The following DOCK6 variants were observed in gnomAD, a reference collection of about 807,000 sequenced individuals.
DOCK6 encodes dedicator of cytokinesis protein 6.
A neutral mutation model predicts 230.3 loss-of-function variants in DOCK6; 167 were observed. The ratio of observed to expected loss-of-function variants is 0.73; its 90% CI spans 0.64 to 0.82. The LOEUF is 0.82. Ranked by LOEUF, DOCK6 falls within the 40% of genes least tolerant of loss-of-function variation. DOCK6 has a pLI of 0.00. For synonymous variants in DOCK6, 1,148 were observed against 1,185.0 expected (o/e 0.97, Z 0.64); for missense variants, 2,598 against 2,825.8 (o/e 0.92, Z 1.83).
At chr19:11,241,962 G>A in intron 14 of DOCK6, 83 bp downstream of exon 14, 1 of 1,477,994 alleles carries the variant, frequency 6.8e-7, no homozygotes, top group Middle Eastern at 2.4e-4. Context: ...GTCTGTGTGT[G>A]TCCTTGGCTT....
chr19:11,209,080 G>A lies in DOCK6; in HGVS notation c.4775C>T (p.Ser1592Leu). The change falls in exon 38 of 48, where the codon TCA becomes TTA. Residue 1592 changes from serine to leucine, a missense_variant. Transcript: ENST00000294618. ...CAACCAGGTCAGCCGAAGGTCCGGT[G>A]AGCCCTGGTAGCCCCGGGCAATTCT... The part of the protein sequence containing the change: ...MYRIARGYQG[S>L]PDLRLTWLQN... 2 of 1,612,170 alleles carry A rather than the reference G, an allele frequency of 1.2e-6. No individual in the cohort carries two copies. The highest frequency in any genetic ancestry group is 1.7e-6 in the Non-Finnish European group (2 of 1,179,420).
intron 13 of DOCK6, among the ~76,000 whole-genome samples, chr19:11,242,694 C>T (rs2079966193): frequency 6.6e-6 from 1 of 151,840 alleles, no homozygotes; most frequent in East Asian, 1.9e-4. Context: ...ACCTGGCCCC[C>T]AGGCTGGTCT....
chr19:11,233,287 G>A lies in DOCK6; in HGVS notation c.2634C>T (p.Ser878=), dbSNP rs2079796825. The change falls in exon 22 of 48, where the codon TCC becomes TCT. Residue 878 remains serine (S), a synonymous_variant. Transcript: ENST00000294618. ...CAGGGTTGCTGCTGCTGATGCTCTT[G>A]GAACGCGCCAGGTAGAGGCTTGCGG... ...GRPASLYLAR[S]KSISSSNPDL... The A allele has an allele frequency of 3.1e-6, 5 of 1,613,832 alleles. No homozygotes were observed. Among genetic ancestry groups the A allele is most frequent in the Non-Finnish European group, 4.2e-6 (5 of 1,179,874 alleles).
chr19:11,235,903 T>C (rs1732317934), intron 20 of DOCK6, 144 bp from the exon 21 acceptor site: 3 of 1,048,516 alleles, frequency 2.9e-6, no homozygotes, highest in South Asian at 4.0e-5. Context: ...TTTTTTGAGA[T>C]GGAGTCTTGC....
intron 14 of DOCK6, chr19:11,239,823 G>A: frequency 3.1e-6 from 5 of 1,604,734 alleles, no homozygotes; most frequent in Middle Eastern, 3.3e-4. Flanking sequence ...GGCTGACAAA[G>A]GCCAGGAACA....
chr19:11,223,936 C>T (rs756606768), intron 24 of DOCK6, among the ~76,000 whole-genome samples: 3 of 152,078 alleles, frequency 2.0e-5, no homozygotes, highest in Middle Eastern at 6.8e-3. Context: ...CGTGAGATAC[C>T]GCACCCGGCC....
chr19:11,252,656 G>T, intron 3 of DOCK6, 106 bp from the exon 4 acceptor site: 2 of 1,594,508 alleles, frequency 1.3e-6, no homozygotes, highest in Middle Eastern at 1.7e-4. Context: ...AGGGGAGATG[G>T]AGGCTCAGAG....
At chr19:11,253,008 T>C in intron 2 of DOCK6, 50 bp from the exon 3 acceptor site, 1 of 1,540,406 alleles carries the variant, frequency 6.5e-7, no homozygotes. Context: ...AGGCTGAGAG[T>C]GGGGGCACGA....
intron 39 of DOCK6, among the ~76,000 whole-genome samples, chr19:11,207,701 G>A (rs907983212): frequency 1.5e-4 from 23 of 151,918 alleles, no homozygotes; most frequent in African/African-American, 5.6e-4. Flanking sequence ...TTTGAAGCGG[G>A]CAGATCACTT....
chr19:11,241,294 T>G, intron 14 of DOCK6: 3 of 606,532 alleles, frequency 4.9e-6, no homozygotes, highest in Non-Finnish European at 8.8e-6. Flanking sequence ...GTGAGTCCTA[T>G]TTTATCCCCA....
At chr19:11,255,089 T>G (rs1165101646) in intron 1 of DOCK6, among the ~76,000 whole-genome samples, 1 of 151,576 alleles carries the variant, frequency 6.6e-6, no homozygotes, top group Non-Finnish European at 1.5e-5. Context: ...CTGCAACACC[T>G]GCTTCCCGGG....
At chr19:11,248,241 C>T in intron 6 of DOCK6, 90 bp from the exon 7 acceptor site, 1 of 979,164 alleles carries the variant, frequency 1.0e-6, no homozygotes, top group Non-Finnish European at 1.5e-6. Flanking sequence ...ACCAGCTCTA[C>T]CCCAGCCTGA....
chr19:11,208,928 C>CCA lies in DOCK6; in HGVS notation c.4925_4926dup (p.Gly1643TrpfsTer14), dbSNP rs1393151782. 3 of 1,597,000 alleles carry CCA rather than the reference C, an allele frequency of 1.9e-6. No homozygotes were observed. In the African/African-American group the frequency reaches 4.0e-5, roughly 21 times the overall value. The stretch of plus-strand genomic sequence containing the variant: ...CCACTCACCTGGAAGGAAACGCAGC[C>CCA]CACGGGCAGGTGGCGGTGGTCCTCG... On this transcript the variant is annotated frameshift_variant, in exon 38 of 48. Coordinates refer to ENST00000294618, the MANE Select transcript of DOCK6 (RefSeq NM_020812.4). LOFTEE classifies it high-confidence loss of function.
At chr19:11,245,535 C>T in intron 9 of DOCK6, 28 bp downstream of exon 9, 1 of 1,545,256 alleles carries the variant, frequency 6.5e-7, no homozygotes, top group South Asian at 1.2e-5. Flanking sequence ...TCGCCATTAC[C>T]ACCCCCTTGC....
Position 11,228,975 on chromosome 19 carries a change from T to C in DOCK6, c.2779A>G (p.Ile927Val), listed in dbSNP as rs758620663. The part of the protein sequence containing the change: ...VVSSSAVREA[I>V]LQHAWFFFQL... The stretch of plus-strand genomic sequence containing the variant: ...AAGAAGAACCAGGCGTGCTGGAGGA[T>C]GGCCTCGCGTACGGCACTGCTGCTG... The change falls in exon 23 of 48, where the codon ATC becomes GTC. Residue 927 changes from isoleucine (I) to valine (V), a missense_variant. Coordinates refer to ENST00000294618, the MANE Select transcript of DOCK6 (RefSeq NM_020812.4). 6.2e-7 allele frequency: 1 copy of C among 1,613,494 alleles called. No individual in the cohort carries two copies.
chr19:11,240,439 G>A, intron 14 of DOCK6: 1 of 822,092 alleles, frequency 1.2e-6, no homozygotes, highest in Non-Finnish European at 1.8e-6. Flanking sequence ...CAAAACTCAA[G>A]TCCTTTTGTG....
At chr19:11,203,407 G>A (rs1367396458) in intron 41 of DOCK6, 5 of 152,750 alleles carry the variant, frequency 3.3e-5, no homozygotes, top group Non-Finnish European at 5.8e-5. Context: ...GGTTAACACT[G>A]CCCCGTGAGA....
chr19:11,252,690 C>T, intron 3 of DOCK6, 93 bp downstream of exon 3: 1 of 1,595,188 alleles, frequency 6.3e-7, no homozygotes, highest in Non-Finnish European at 8.6e-7. Context: ...TGTCCAACGT[C>T]ACGGCCAAGC....
intron 3 of DOCK6, 76 bp from the exon 4 acceptor site, chr19:11,252,626 T>G: frequency 6.3e-7 from 1 of 1,595,798 alleles, no homozygotes; most frequent in Non-Finnish European, 8.6e-7. Context: ...AGGTTAGCAC[T>G]GTCCTGCCTA....
Sources: allele counts gnomAD v4.1 joint callset (sites outside exome capture counted in the v4.1 genomes callset), GRCh38; gene constraint gnomAD v4.1.1; transcripts MANE v1.5; gene names NCBI Gene and HGNC (gene_info 2026-07-23, HGNC 2026-07-21).